PLXNA4: variants seen among roughly 807,000 people sequenced by gnomAD.
PLXNA4 encodes plexin-A4.
A neutral mutation model predicts 191.8 loss-of-function variants in PLXNA4; 44 were observed. The observed-to-expected ratio is 0.23, with a 90% CI of 0.18 to 0.29. The LOEUF (loss-of-function observed/expected upper bound fraction) is 0.29, where lower values mean the gene tolerates loss of function less well. PLXNA4 is among the 10% of genes least tolerant of loss of function. The pLI is 1.00. For missense variants in PLXNA4, 1,800 were observed against 2,488.8 expected, an observed-to-expected ratio of 0.72 and a Z score of 5.89; for synonymous variants, 1,082 against 1,009.5, an observed-to-expected ratio of 1.07 and a Z score of -1.36.
At chr7:132,214,476 T>C (rs1584855009) in intron 9 of PLXNA4, among the ~76,000 whole-genome samples, 1 of 152,102 alleles carries the variant, frequency 6.6e-6, no homozygotes, top group Admixed American at 6.5e-5. Context: ...CCAGTGTCCC[T>C]CCTAATTGAA....
In PLXNA4 at chr7:132,128,469, G is replaced by A. The variant is rs1794839531; in HGVS notation, c.*2010C>T. The A allele has an allele frequency of 6.6e-6, 1 of 151,722 alleles. No individual in the cohort carries two copies. Among genetic ancestry groups the A allele is most frequent in the Non-Finnish European group, 1.5e-5 (1 of 68,070 alleles). The allele number at this position is 151,722 out of a possible 1,614,324, so 9.4% of individuals were successfully genotyped here. A position where few individuals can be genotyped will look rare whatever the true frequency, so the allele number is the denominator to read the frequency against. On this transcript the variant is annotated 3_prime_UTR_variant, in exon 32 of 32. Transcript: ENST00000321063. Reference sequence around the variant, plus strand: ...CTCTCCTTCCACCCACCAGCTCTCAGCATAGAAAGCAAGTAAGTGTTGAAA... The same window carrying A: ...CTCTCCTTCCACCCACCAGCTCTCAACATAGAAAGCAAGTAAGTGTTGAAA...
chr7:132,415,884 A>G (rs548186717), intron 3 of PLXNA4, among the ~76,000 whole-genome samples: 2 of 152,340 alleles, frequency 1.3e-5, no homozygotes, highest in South Asian at 4.1e-4. Context: ...AAATTTAACC[A>G]ATGATTTAGG....
intron 24 of PLXNA4, among the ~76,000 whole-genome samples, chr7:132,162,363 T>G (rs531924527): frequency 6.6e-6 from 1 of 152,356 alleles, no homozygotes; most frequent in South Asian, 2.1e-4. Context: ...CCTAAATGGA[T>G]ACTGGTCCCT....
At chr7:132,426,339 G>T (rs1247192063) in intron 3 of PLXNA4, among the ~76,000 whole-genome samples, 1 of 152,220 alleles carries the variant, frequency 6.6e-6, no homozygotes, top group Non-Finnish European at 1.5e-5. Context: ...TGGCTGGGTT[G>T]CCGGGCAGGA....
At chr7:132,583,582 G>A (rs942849905) in intron 2 of PLXNA4, among the ~76,000 whole-genome samples, 3 of 152,226 alleles carry the variant, frequency 2.0e-5, no homozygotes, top group Non-Finnish European at 4.4e-5. Context: ...TGAAGGGACA[G>A]GAGTGCCTAT....
chr7:132,290,481 C>A (rs1363570260), intron 4 of PLXNA4, among the ~76,000 whole-genome samples: 1 of 152,242 alleles, frequency 6.6e-6, no homozygotes, highest in Non-Finnish European at 1.5e-5. Context: ...TTTCCCCTCA[C>A]CTCCTTCCCA....
chr7:132,593,250 C>T (rs1802635900), intron 2 of PLXNA4, among the ~76,000 whole-genome samples: 1 of 152,210 alleles, frequency 6.6e-6, no homozygotes. Context: ...CCTGCCTACC[C>T]CAGCTCCAAG....
intron 2 of PLXNA4, among the ~76,000 whole-genome samples, chr7:132,593,642 A>T (rs1237534332): frequency 6.6e-6 from 1 of 152,128 alleles, no homozygotes; most frequent in African/African-American, 2.4e-5. Context: ...TCGTGCCATC[A>T]CTCATTCCAG....
intron 3 of PLXNA4, among the ~76,000 whole-genome samples, chr7:132,320,015 G>A (rs1802101652): frequency 1.3e-5 from 2 of 152,212 alleles, no homozygotes; most frequent in African/African-American, 2.4e-5. Context: ...AAGCAACCTG[G>A]AGCTGCACCT....
At chr7:132,618,052 C>T (rs1281951794) in intron 2 of PLXNA4, among the ~76,000 whole-genome samples, 1 of 152,132 alleles carries the variant, frequency 6.6e-6, no homozygotes, top group Non-Finnish European at 1.5e-5. Context: ...GGGTGCAAAC[C>T]AGAAATTGCC....
At chr7:132,527,042 T>G (rs958235292) in intron 1 of PLXNA4, among the ~76,000 whole-genome samples, 4 of 152,178 alleles carry the variant, frequency 2.6e-5, no homozygotes, top group Admixed American at 1.3e-4. Flanking sequence ...AGGCCCCGGG[T>G]TAAATCCTGT....
intron 3 of PLXNA4, among the ~76,000 whole-genome samples, chr7:132,459,457 C>G (rs760778766): frequency 6.6e-6 from 1 of 152,098 alleles, no homozygotes; most frequent in Non-Finnish European, 1.5e-5. Flanking sequence ...CAGGGAAAGA[C>G]CAAAGAGCAA....
intron 3 of PLXNA4, among the ~76,000 whole-genome samples, chr7:132,377,026 C>T (rs1004146522): frequency 3.3e-5 from 5 of 152,278 alleles, no homozygotes; most frequent in Admixed American, 6.5e-5. Context: ...CCCAGGCTCA[C>T]GAAATGTGTA....
At chr7:132,559,916 C>G (rs1429672295) in intron 1 of PLXNA4, among the ~76,000 whole-genome samples, 1 of 152,178 alleles carries the variant, frequency 6.6e-6, no homozygotes, top group Non-Finnish European at 1.5e-5. Flanking sequence ...ATGTGTGAAG[C>G]AAAGATATGA....
intron 3 of PLXNA4, among the ~76,000 whole-genome samples, chr7:132,315,071 G>A (rs184026597): frequency 1.4e-4 from 22 of 152,288 alleles, no homozygotes; most frequent in Non-Finnish European, 1.5e-5. Flanking sequence ...CTCTTCCTCT[G>A]TGGCACTTTC....
intron 3 of PLXNA4, among the ~76,000 whole-genome samples, chr7:132,324,006 G>T (rs1461607577): frequency 6.6e-6 from 1 of 152,148 alleles, no homozygotes; most frequent in Non-Finnish European, 1.5e-5. Flanking sequence ...ACCGAGCTAG[G>T]CAGGGATCAT....
At chr7:132,573,758 G>A (rs763161090) in intron 1 of PLXNA4, among the ~76,000 whole-genome samples, 10 of 152,146 alleles carry the variant, frequency 6.6e-5, no homozygotes, top group African/African-American at 1.9e-4. Flanking sequence ...ATGAGAGCCC[G>A]GGGAGGCGTG....
chr7:132,361,505 C>A (rs1341353443), intron 3 of PLXNA4, among the ~76,000 whole-genome samples: 1 of 152,158 alleles, frequency 6.6e-6, no homozygotes, highest in Non-Finnish European at 1.5e-5. Flanking sequence ...GCACCACAAC[C>A]AGTTATTAGC....
chr7:132,550,866 A>G lies in PLXNA4; in HGVS notation c.-87+25556T>C, dbSNP rs530835239. On this transcript the variant is annotated intron_variant, in intron 1 of 31. Transcript: ENST00000321063. ...TCTCTCCCTGACCTCCTGGCCACTC[A>G]CACACCCAGTATATCTCCATGCTGT... Among the ~76,000 whole-genome samples the G allele has an allele frequency of 4.4e-4, 67 of 152,234 alleles. 2 individuals carry two copies. The highest frequency in any genetic ancestry group is 1.5e-3 in the African/African-American group (61 of 41,546).
Sources: gnomAD v4.1 joint callset for allele counts (sites outside exome capture counted in the v4.1 genomes callset) on GRCh38, gnomAD v4.1.1 for gene constraint, MANE v1.5 for transcripts, NCBI Gene and HGNC (gene_info 2026-07-23, HGNC 2026-07-21) for gene names.